Variants in STPG2 observed in about 807,000 individuals in gnomAD.
STPG2 encodes the protein sperm tail PG-rich repeat containing 2.
A neutral mutation model predicts 54.2 loss-of-function variants in STPG2; 56 were observed. The observed-to-expected ratio is 1.03, with a 90% confidence interval of 0.83 to 1.29. The LOEUF is 1.29. Ranked by LOEUF, STPG2 falls within the 50% of genes most tolerant of loss-of-function variation. The pLI is 0.00. For synonymous variants in STPG2, 200 were observed against 181.8 expected (o/e 1.10, Z -0.81); for missense variants, 596 against 544.9 (o/e 1.09, Z -0.93).
At chr4:98,141,206 GA>G (rs569239423) in intron 1 of STPG2, among the ~76,000 whole-genome samples, 12 of 151,624 alleles carry the variant, frequency 7.9e-5, no homozygotes, top group African/African-American at 2.9e-4. Context: ...ATGAGACAAG[GA>G]AAAAAAATCA....
intron 10 of STPG2, among the ~76,000 whole-genome samples, chr4:97,562,394 C>A: frequency 6.6e-6 from 1 of 152,152 alleles, no homozygotes. Flanking sequence ...CAAACAGGGA[C>A]AATTAGACTT....
At chr4:97,635,106 C>A (rs1721461024) in intron 10 of STPG2, among the ~76,000 whole-genome samples, 2 of 151,928 alleles carry the variant, frequency 1.3e-5, no homozygotes, top group South Asian at 2.1e-4. Context: ...TCGGGTTACC[C>A]TCAAAGGGAA....
intron 4 of STPG2, among the ~76,000 whole-genome samples, chr4:97,539,199 C>A (rs1277831905): frequency 5.3e-5 from 8 of 152,110 alleles, no homozygotes; most frequent in Non-Finnish European, 1.0e-4. Flanking sequence ...ACAATATTAA[C>A]CTTAAATGTA....
chr4:98,098,443 C>G (rs958586656), intron 5 of STPG2, among the ~76,000 whole-genome samples: 1 of 152,140 alleles, frequency 6.6e-6, no homozygotes, highest in Non-Finnish European at 1.5e-5. Context: ...AACTAGACCT[C>G]TCTCTCTTGC....
At chr4:97,947,879 T>A (rs1318300201) in intron 7 of STPG2, among the ~76,000 whole-genome samples, 1 of 152,066 alleles carries the variant, frequency 6.6e-6, no homozygotes, top group Admixed American at 6.6e-5. Flanking sequence ...TTTTGTTATG[T>A]TCTTTCCTGG....
intron 10 of STPG2, among the ~76,000 whole-genome samples, chr4:97,604,329 A>T (rs1319402732): frequency 6.6e-6 from 1 of 151,754 alleles, no homozygotes; most frequent in African/African-American, 2.4e-5. Context: ...ATTGGCATTT[A>T]AAAAAGAAGC....
intron 9 of STPG2, among the ~76,000 whole-genome samples, chr4:97,739,503 T>G (rs1725144255): frequency 6.6e-6 from 1 of 152,036 alleles, no homozygotes. Context: ...AAGAATCAAA[T>G]AGACGCAATA....
intron 10 of STPG2, among the ~76,000 whole-genome samples, chr4:97,683,796 T>A (rs1723106423): frequency 6.6e-6 from 1 of 151,706 alleles, no homozygotes; most frequent in African/African-American, 2.4e-5. Flanking sequence ...TAAATAAAAG[T>A]ATATAAATTG....
rs1006823652 is a variant in STPG2 at position 98,143,419 on chromosome 4, G to T, written c.-269C>A. On this transcript the variant is annotated 5_prime_UTR_variant, in exon 1 of 11. Transcript: ENST00000295268. ...CCACACAATCATCAGTTTGCCAGGTGCACGCCACCAAAATTGGGTATTAGG... is the reference window on the plus strand; with the variant it reads ...CCACACAATCATCAGTTTGCCAGGTTCACGCCACCAAAATTGGGTATTAGG... Among the ~76,000 whole-genome samples, 2 of 152,170 alleles carry T rather than the reference G, an allele frequency of 1.3e-5. No homozygotes were observed. The highest frequency in any genetic ancestry group is 4.8e-5 in the African/African-American group (2 of 41,446).
intron 9 of STPG2, among the ~76,000 whole-genome samples, chr4:97,755,373 A>G (rs1725696996): frequency 1.3e-5 from 2 of 152,288 alleles, no homozygotes; most frequent in Admixed American, 1.3e-4. Context: ...AAAGAGGGAA[A>G]ACTGTGCTCT....
At chr4:97,972,535 T>C in intron 6 of STPG2, 95 bp from the exon 7 acceptor site, 2 of 701,940 alleles carry the variant, frequency 2.8e-6, no homozygotes, top group Non-Finnish European at 4.2e-6. Context: ...TTTTTCTAAA[T>C]AAAAAACCCT....
intron 4 of STPG2, among the ~76,000 whole-genome samples, chr4:97,486,542 C>T (rs1428117677): frequency 6.6e-6 from 1 of 151,542 alleles, no homozygotes; most frequent in African/African-American, 2.4e-5. Flanking sequence ...ATGCAGTGAA[C>T]AGGGAACACT....
chr4:98,079,889 T>C (rs955328493), intron 5 of STPG2, among the ~76,000 whole-genome samples: 2 of 152,120 alleles, frequency 1.3e-5, no homozygotes, highest in African/African-American at 4.8e-5. Flanking sequence ...CCAAAAAGAA[T>C]ATTCACTTAG....
chr4:97,839,421 G>A (rs1728727835), intron 9 of STPG2, among the ~76,000 whole-genome samples: 1 of 151,552 alleles, frequency 6.6e-6, no homozygotes. Flanking sequence ...GCAGAGGAGA[G>A]TAAAGGAATA....
chr4:97,798,240 G>C (rs570426295), intron 9 of STPG2, among the ~76,000 whole-genome samples: 59 of 152,110 alleles, frequency 3.9e-4, no homozygotes, highest in African/African-American at 1.3e-3. Context: ...GAATGTGTTT[G>C]CTCTTGCTTC....
At chr4:97,604,683 G>C (rs7677552) in intron 10 of STPG2, among the ~76,000 whole-genome samples, 4 of 151,538 alleles carry the variant, frequency 2.6e-5, no homozygotes, top group Admixed American at 6.6e-5. Context: ...AAGAAATAAG[G>C]CTTTAGAATG....
intron 4 of STPG2, among the ~76,000 whole-genome samples, chr4:97,454,928 T>C (rs1729477422): frequency 6.6e-6 from 1 of 152,154 alleles, no homozygotes; most frequent in African/African-American, 2.4e-5. Flanking sequence ...AGCTGGTATA[T>C]TTGGTTCTAA....
chr4:97,706,415 G>A (rs1723943030), intron 10 of STPG2, among the ~76,000 whole-genome samples: 1 of 152,154 alleles, frequency 6.6e-6, no homozygotes, highest in Admixed American at 6.6e-5. Context: ...TTATAAAAGA[G>A]AGCTCCTTTG....
intron 10 of STPG2, among the ~76,000 whole-genome samples, chr4:97,650,090 C>T (rs909440212): frequency 2.0e-5 from 3 of 152,036 alleles, no homozygotes; most frequent in African/African-American, 4.8e-5. Flanking sequence ...AGGGTTCATG[C>T]TCCCACAAGA....
Sources: gnomAD v4.1 joint callset for allele counts (sites outside exome capture counted in the v4.1 genomes callset) on GRCh38, gnomAD v4.1.1 for gene constraint, MANE v1.5 for transcripts, NCBI Gene and HGNC (gene_info 2026-07-23, HGNC 2026-07-21) for gene names.